The following SGK3 variants were observed in gnomAD, a reference collection of about 807,000 sequenced individuals.
SGK3 encodes the protein serine/threonine-protein kinase Sgk3.
SGK3 carries 47 observed loss-of-function variants against 68.5 expected under a neutral mutation model. The observed-to-expected ratio is 0.69, with a 90% CI of 0.54 to 0.87. SGK3 has a LOEUF of 0.87. SGK3 is among the 40% of genes least tolerant of loss of function. The pLI is 0.00. For synonymous variants in SGK3, 181 were observed against 189.1 expected (o/e 0.96, Z 0.35); for missense variants, 479 against 575.5 (o/e 0.83, Z 1.72).
chr8:66,814,043 GTAAAATCTT>G (rs1585755600), intron 5 of SGK3, 115 bp downstream of exon 5: 1 of 754,956 alleles, frequency 1.3e-6, no homozygotes, highest in East Asian at 3.4e-5. Context: ...ATATATGTTT[GTAAAATCTT>G]CTTTGAGCAT....
At chr8:66,735,363 A>G (rs866169084) in intron 1 of SGK3, among the ~76,000 whole-genome samples, 1 of 152,254 alleles carries the variant, frequency 6.6e-6, no homozygotes, top group African/African-American at 2.4e-5. Context: ...AGAATCTATC[A>G]GGCGTATAGC....
At chr8:66,801,410 T>C (rs2130602473) in intron 3 of SGK3, among the ~76,000 whole-genome samples, 1 of 152,350 alleles carries the variant, frequency 6.6e-6, no homozygotes, top group Middle Eastern at 3.4e-3. Context: ...AGTTTGTACA[T>C]GGAAATATCT....
intron 1 of SGK3, among the ~76,000 whole-genome samples, chr8:66,754,291 A>T (rs191283532): frequency 1.8e-4 from 28 of 152,354 alleles, no homozygotes; most frequent in African/African-American, 6.7e-4. Flanking sequence ...CTGCATTTGC[A>T]AATGAGGAAT....
chr8:66,713,302 A>T (rs1447352827), intron 1 of SGK3, among the ~76,000 whole-genome samples: 2 of 152,212 alleles, frequency 1.3e-5, no homozygotes, highest in Admixed American at 1.3e-4. Context: ...ACGTCTCTTC[A>T]AGTGAATCTG....
At chr8:66,837,697 T>C (rs1263215444) in intron 10 of SGK3, among the ~76,000 whole-genome samples, 1 of 152,114 alleles carries the variant, frequency 6.6e-6, no homozygotes, top group Non-Finnish European at 1.5e-5. Flanking sequence ...GGTGGGAGGA[T>C]TGTTTGAGCC....
Position 66,828,691 on chromosome 8 carries a change from C to G in SGK3, c.455C>G (p.Ser152Cys), listed in dbSNP as rs1327216769. The G allele has an allele frequency of 5.6e-6, 9 of 1,613,934 alleles. No homozygotes were observed. Among genetic ancestry groups the G allele is most frequent in the Non-Finnish European group, 6.8e-6 (8 of 1,180,010 alleles). ...TCACAGAACATCAACCTGGGACCGT[C>G]TGGAAATCCTCAGTATGTTTAATTT... ...STSQNINLGP[S>C]GNPHAKPTDF... Residue 152 changes from serine (S) to cysteine (C), a missense_variant, in exon 7 of 17, where the codon TCT becomes TGT. Ser to Cys is a moderately radical substitution (Grantham distance 112, BLOSUM62 -1). Transcript: ENST00000521198.
intron 1 of SGK3, among the ~76,000 whole-genome samples, chr8:66,763,642 A>G (rs953404651): frequency 2.0e-5 from 3 of 152,048 alleles, no homozygotes; most frequent in African/African-American, 4.8e-5. Context: ...GTGTATTTAT[A>G]TGAATATACA....
chr8:66,736,223 A>G (rs943954872), intron 1 of SGK3, among the ~76,000 whole-genome samples: 2 of 152,232 alleles, frequency 1.3e-5, no homozygotes, highest in Admixed American at 6.5e-5. Flanking sequence ...TTGGCCCTCT[A>G]TATCTGAGGA....
chr8:66,852,999 C>T (rs1296791653), intron 16 of SGK3, among the ~76,000 whole-genome samples: 2 of 152,210 alleles, frequency 1.3e-5, no homozygotes, highest in Non-Finnish European at 2.9e-5. Flanking sequence ...AGCATTGGAT[C>T]CCTGCTCTTC....
intron 1 of SGK3, among the ~76,000 whole-genome samples, chr8:66,716,759 T>C (rs1804645687): frequency 1.3e-5 from 2 of 152,176 alleles, no homozygotes; most frequent in Admixed American, 1.3e-4. Flanking sequence ...AAGACCTATA[T>C]GAAATGAAAG....
intron 1 of SGK3, among the ~76,000 whole-genome samples, chr8:66,750,827 A>C (rs1179584977): frequency 6.6e-6 from 1 of 151,590 alleles, no homozygotes; most frequent in Non-Finnish European, 1.5e-5. Context: ...CAACATGGCA[A>C]AACCCCATCT....
intron 5 of SGK3, among the ~76,000 whole-genome samples, chr8:66,814,402 G>A (rs997473704): frequency 5.3e-5 from 8 of 152,150 alleles, no homozygotes; most frequent in Admixed American, 5.2e-4. Flanking sequence ...GAAAGGTGTA[G>A]GCATATCTTC....
intron 4 of SGK3, 124 bp from the exon 5 acceptor site, chr8:66,813,729 G>A (rs968412799): frequency 1.7e-6 from 1 of 580,638 alleles, no homozygotes; most frequent in South Asian, 7.2e-5. Context: ...GTGACAAGTA[G>A]CATGAATTTA....
chr8:66,742,728 T>C (rs1805518635), intron 1 of SGK3, among the ~76,000 whole-genome samples: 1 of 152,214 alleles, frequency 6.6e-6, no homozygotes, highest in Non-Finnish European at 1.5e-5. Context: ...CTTTATGAGA[T>C]GATGTAGACA....
At chr8:66,855,013 A>G (rs1810452492) in intron 16 of SGK3, among the ~76,000 whole-genome samples, 1 of 152,098 alleles carries the variant, frequency 6.6e-6, no homozygotes, top group Non-Finnish European at 1.5e-5. Context: ...AAAAGTGAAA[A>G]TTAGCTGGGT....
chr8:66,731,117 A>T (rs780903363), intron 1 of SGK3, among the ~76,000 whole-genome samples: 1 of 152,128 alleles, frequency 6.6e-6, no homozygotes, highest in Admixed American at 6.6e-5. Context: ...ATTTAATTAC[A>T]TTTTTGTCAG....
chr8:66,826,049 T>G (rs1809040668), intron 6 of SGK3, among the ~76,000 whole-genome samples: 1 of 152,120 alleles, frequency 6.6e-6, no homozygotes, highest in South Asian at 2.1e-4. Flanking sequence ...CTCGGCTCAC[T>G]GCAACCTCCC....
intron 5 of SGK3, among the ~76,000 whole-genome samples, chr8:66,819,010 CT>C (rs1585763989): frequency 1.3e-5 from 2 of 152,324 alleles, no homozygotes; most frequent in East Asian, 3.9e-4. Context: ...CAGTTGTACA[CT>C]TTCCATCAGC....
intron 4 of SGK3, among the ~76,000 whole-genome samples, chr8:66,805,905 T>C (rs1233413856): frequency 6.6e-6 from 1 of 152,208 alleles, no homozygotes; most frequent in Non-Finnish European, 1.5e-5. Flanking sequence ...TTATATTGAG[T>C]GTGCTTTCTC....
Sources: gnomAD v4.1 joint callset for allele counts (sites outside exome capture counted in the v4.1 genomes callset) on GRCh38, gnomAD v4.1.1 for gene constraint, MANE v1.5 for transcripts, NCBI Gene and HGNC (gene_info 2026-07-23, HGNC 2026-07-21) for gene names.